Variants in MESD observed in about 807,000 individuals in gnomAD.
The protein encoded by MESD is LRP chaperone MESD.
A neutral mutation model predicts 12.9 loss-of-function variants in MESD; 7 were observed. The ratio of observed to expected loss-of-function variants is 0.54; its 90% confidence interval spans 0.31 to 1.02. MESD has a LOEUF of 1.02. Among genes scored for constraint, MESD ranks in the 50% least tolerant of loss-of-function variants. The probability of loss-of-function intolerance (pLI) is 0.05; values close to 1 mark genes in which losing one functional copy is unlikely to be tolerated. For missense variants in MESD, 342 were observed against 296.7 expected (o/e 1.15, Z -1.12); for synonymous variants, 126 against 115.6 (o/e 1.09, Z -0.58).
At chr15:80,967,549 G>A (rs1019937700) in intron 3 of MESD, among the ~76,000 whole-genome samples, 10 of 152,164 alleles carry the variant, frequency 6.6e-5, no homozygotes, top group East Asian at 1.9e-4. Context: ...ACTCAATGTC[G>A]TCCAACTTGG....
At chr15:80,957,187 AT>A (rs1287741011) in intron 3 of MESD, among the ~76,000 whole-genome samples, 1 of 152,154 alleles carries the variant, frequency 6.6e-6, no homozygotes, top group African/African-American at 2.4e-5. Flanking sequence ...CAGAGTTATA[AT>A]TATAGGTTTA....
intron 1 of MESD, among the ~76,000 whole-genome samples, chr15:80,985,293 A>G (rs1036148000): frequency 5.3e-5 from 8 of 152,228 alleles, no homozygotes; most frequent in African/African-American, 1.9e-4. Flanking sequence ...GCTGAGGGTA[A>G]TAACAGCTTC....
chr15:80,953,969 C>G (rs1004790418), intron 3 of MESD, among the ~76,000 whole-genome samples: 1 of 152,302 alleles, frequency 6.6e-6, no homozygotes, highest in Non-Finnish European at 1.5e-5. Context: ...CATCTCCAAT[C>G]TGGTCACCCA....
intron 1 of MESD, among the ~76,000 whole-genome samples, chr15:80,983,632 C>T (rs930244413): frequency 6.6e-6 from 1 of 152,088 alleles, no homozygotes; most frequent in Non-Finnish European, 1.5e-5. Context: ...AGCGTGGGTT[C>T]CTTGGAGAAC....
intron 1 of MESD, among the ~76,000 whole-genome samples, chr15:80,983,604 G>A (rs1250612057): frequency 1.3e-5 from 2 of 152,154 alleles, no homozygotes; most frequent in African/African-American, 4.8e-5. Context: ...CAGATTAATG[G>A]ATAAAAATAT....
chr15:80,979,132 G>C lies in MESD; in HGVS notation c.*87C>G. On this transcript the variant is annotated 3_prime_UTR_variant, in exon 3 of 3. Coordinates refer to ENST00000261758, the MANE Select transcript of MESD (RefSeq NM_015154.3). ...ACACTAGAATGTCATCCGGTGTGCA[G>C]TTGCCTGAGACCACTCCCACCCCAG... The C allele has an allele frequency of 6.6e-7, 1 of 1,516,556 alleles. No individual in the cohort carries two copies. The highest frequency in any genetic ancestry group is 8.9e-7 in the Non-Finnish European group (1 of 1,127,926). The allele number at this position is 1,516,556 out of a possible 1,614,324, so 93.9% of individuals were successfully genotyped here.
chr15:80,960,885 TGG>T (rs1902073092), intron 3 of MESD, among the ~76,000 whole-genome samples: 1 of 152,162 alleles, frequency 6.6e-6, no homozygotes, highest in Non-Finnish European at 1.5e-5. Context: ...GGCTCCCTGT[TGG>T]GTTTGGCCAA....
intron 3 of MESD, among the ~76,000 whole-genome samples, chr15:80,955,231 A>G (rs996566692): frequency 2.6e-5 from 4 of 151,144 alleles, no homozygotes; most frequent in African/African-American, 9.7e-5. Flanking sequence ...CAAGCCTGTA[A>G]TCCCAGCACT....
chr15:80,988,527 G>T (rs2141819149), intron 1 of MESD, among the ~76,000 whole-genome samples: 1 of 152,318 alleles, frequency 6.6e-6, no homozygotes, highest in East Asian at 1.9e-4. Context: ...GGTGAATGGG[G>T]ACGTTCTCTC....
intron 3 of MESD, among the ~76,000 whole-genome samples, chr15:80,955,397 G>C (rs1901949430): frequency 1.3e-5 from 2 of 149,916 alleles, no homozygotes; most frequent in African/African-American, 2.5e-5. Flanking sequence ...GGCTGAGGCA[G>C]GAGAATGGCG....
At chr15:80,955,268 G>A (rs1430910640) in intron 3 of MESD, among the ~76,000 whole-genome samples, 2 of 150,704 alleles carry the variant, frequency 1.3e-5, no homozygotes, top group African/African-American at 2.4e-5. Context: ...GGCGGATCAC[G>A]AGGTCAGGAG....
chr15:80,950,447 C>G (rs527683372), intron 4 of MESD: 2 of 152,282 alleles, frequency 1.3e-5, no homozygotes, highest in African/African-American at 4.8e-5. Context: ...TCTCTTCCCT[C>G]CTGCTCCCAG....
intron 3 of MESD, among the ~76,000 whole-genome samples, chr15:80,955,187 T>C (rs1337283304): frequency 6.6e-6 from 1 of 151,486 alleles, no homozygotes; most frequent in Admixed American, 6.6e-5. Flanking sequence ...AGGAGCTGGT[T>C]AGAAATGCCC....
At chr15:80,963,245 C>T (rs1457426818) in intron 3 of MESD, among the ~76,000 whole-genome samples, 1 of 152,192 alleles carries the variant, frequency 6.6e-6, no homozygotes, top group South Asian at 2.1e-4. Context: ...TGGATAAATT[C>T]CTGTATACAT....
Position 80,979,125 on chromosome 15 carries a change from G to A in MESD, c.*94C>T. 4.7e-6 allele frequency: 7 copies of A among 1,487,028 alleles called. No individual in the cohort carries two copies. Among genetic ancestry groups the A allele is most frequent in the Non-Finnish European group, 5.4e-6 (6 of 1,103,858 alleles). The allele number at this position is 1,487,028 out of a possible 1,614,324, so 92.1% of individuals were successfully genotyped here. ...CTAGAAGACACTAGAATGTCATCCGGTGTGCAGTTGCCTGAGACCACTCCC... is the reference window on the plus strand; with the variant it reads ...CTAGAAGACACTAGAATGTCATCCGATGTGCAGTTGCCTGAGACCACTCCC... On this transcript the variant is annotated 3_prime_UTR_variant, in exon 3 of 3. Transcript: ENST00000261758.
intron 3 of MESD, among the ~76,000 whole-genome samples, chr15:80,961,073 C>T (rs971314471): frequency 6.6e-6 from 1 of 152,152 alleles, no homozygotes; most frequent in Non-Finnish European, 1.5e-5. Flanking sequence ...CTCTCAGTAT[C>T]GCCAGGCTTA....
At chr15:80,953,526 G>A (rs182647244) in intron 3 of MESD, among the ~76,000 whole-genome samples, 80 of 152,312 alleles carry the variant, frequency 5.3e-4, no homozygotes, top group Non-Finnish European at 8.2e-4. Flanking sequence ...GGCACCTTCC[G>A]TTCCTGTCCG....
intron 1 of MESD, among the ~76,000 whole-genome samples, chr15:80,984,595 G>A (rs933093281): frequency 3.3e-5 from 5 of 152,308 alleles, no homozygotes; most frequent in African/African-American, 1.2e-4. Flanking sequence ...GCTGGCTAGG[G>A]AGTTGGGAGA....
At position 80,978,740 on chromosome 15, in the gene MESD, ATC is replaced by A. The variant is rs1469161655; in HGVS notation, c.*477_*478del. The A allele has an allele frequency of 2.0e-5, 3 of 153,750 alleles. No homozygotes were observed. The highest frequency in any genetic ancestry group is 4.8e-5 in the African/African-American group (2 of 41,502). 9.5% of individuals were successfully genotyped at this position (153,750 alleles called of 1,614,324 possible). Reference sequence around the variant, plus strand: ...ACACCCTGGCTTCCTGGCTACAGACATCTGAGTTCACAAAGCATATTTTACCT... The same window carrying A: ...ACACCCTGGCTTCCTGGCTACAGACATGAGTTCACAAAGCATATTTTACCT... On this transcript the variant is annotated 3_prime_UTR_variant, in exon 3 of 3. Coordinates refer to ENST00000261758, the MANE Select transcript of MESD (RefSeq NM_015154.3).
Sources: allele counts gnomAD v4.1 joint callset (sites outside exome capture counted in the v4.1 genomes callset), GRCh38; gene constraint gnomAD v4.1.1; transcripts MANE v1.5; gene names NCBI Gene and HGNC (gene_info 2026-07-23, HGNC 2026-07-21).